The following PRKCE variants were observed in gnomAD, a reference collection of about 807,000 sequenced individuals.
PRKCE encodes protein kinase C epsilon type.
PRKCE carries 16 observed loss-of-function variants against 85.4 expected under a neutral mutation model. That is an observed-to-expected ratio of 0.19 (90% CI 0.13 to 0.28). PRKCE has a LOEUF of 0.28. Ranked by LOEUF, PRKCE falls within the 10% of genes least tolerant of loss-of-function variation. The probability of loss-of-function intolerance (pLI) is 1.00; values close to 1 mark genes in which losing one functional copy is unlikely to be tolerated. For missense variants in PRKCE, 573 were observed against 975.2 expected, an observed-to-expected ratio of 0.59 and a Z score of 5.49; for synonymous variants, 388 against 371.5, an observed-to-expected ratio of 1.04 and a Z score of -0.51.
intron 1 of PRKCE, among the ~76,000 whole-genome samples, chr2:45,822,823 G>T (rs1229118624): frequency 6.6e-6 from 1 of 152,140 alleles, no homozygotes. Context: ...AAGGAGAGTT[G>T]CTTCTTAACT....
intron 5 of PRKCE, among the ~76,000 whole-genome samples, chr2:45,982,049 A>G (rs146173440): frequency 8.5e-5 from 13 of 152,316 alleles, no homozygotes; most frequent in African/African-American, 2.4e-4. Flanking sequence ...TGTGTTCCCA[A>G]ACTTGACATG....
At chr2:45,888,333 C>G (rs373690350) in intron 2 of PRKCE, among the ~76,000 whole-genome samples, 19 of 152,236 alleles carry the variant, frequency 1.2e-4, no homozygotes, top group African/African-American at 4.1e-4. Context: ...AATTGCCAAG[C>G]CTTTACTATG....
At chr2:46,131,800 T>C (rs1428748829) in intron 11 of PRKCE, among the ~76,000 whole-genome samples, 1 of 152,246 alleles carries the variant, frequency 6.6e-6, no homozygotes, top group Non-Finnish European at 1.5e-5. Context: ...CAAGAGTTAT[T>C]GCTTGCTTTC....
At chr2:46,121,806 G>A (rs974536013) in intron 11 of PRKCE, among the ~76,000 whole-genome samples, 20 of 152,318 alleles carry the variant, frequency 1.3e-4, no homozygotes, top group African/African-American at 4.6e-4. Context: ...GCTCATGAAT[G>A]CTGTGGACAG....
chr2:46,018,121 C>G (rs1342962790), intron 10 of PRKCE, among the ~76,000 whole-genome samples: 1 of 152,114 alleles, frequency 6.6e-6, no homozygotes, highest in Non-Finnish European at 1.5e-5. Context: ...GGTTGATCAG[C>G]CTGTTTCTGG....
chr2:45,816,809 C>T (rs1464026258), intron 1 of PRKCE, among the ~76,000 whole-genome samples: 1 of 152,168 alleles, frequency 6.6e-6, no homozygotes, highest in African/African-American at 2.4e-5. Flanking sequence ...ATCCTCCCTC[C>T]CCCTAATTGT....
At chr2:45,741,084 G>T (rs1364086711) in intron 1 of PRKCE, among the ~76,000 whole-genome samples, 1 of 152,148 alleles carries the variant, frequency 6.6e-6, no homozygotes, top group African/African-American at 2.4e-5. Context: ...AATTAAATGC[G>T]GAAATTTCCT....
chr2:46,153,366 G>A (rs1676831820), intron 13 of PRKCE, among the ~76,000 whole-genome samples: 1 of 152,110 alleles, frequency 6.6e-6, no homozygotes, highest in African/African-American at 2.4e-5. Context: ...CCAGGCGCTG[G>A]TGATACAAAC....
chr2:45,836,788 A>G (rs886554929), intron 1 of PRKCE, among the ~76,000 whole-genome samples: 2 of 152,164 alleles, frequency 1.3e-5, no homozygotes, highest in Non-Finnish European at 1.5e-5. Flanking sequence ...ATTATCTAGG[A>G]CCTTACTGGT....
intron 2 of PRKCE, among the ~76,000 whole-genome samples, chr2:45,904,123 C>G (rs564945894): frequency 6.6e-6 from 1 of 152,068 alleles, no homozygotes; most frequent in East Asian, 1.9e-4. Context: ...AGGCTGGTCT[C>G]GAACTCTTGA....
intron 10 of PRKCE, among the ~76,000 whole-genome samples, chr2:46,014,438 C>A (rs1705953636): frequency 6.6e-6 from 1 of 152,050 alleles, no homozygotes; most frequent in South Asian, 2.1e-4. Flanking sequence ...TCAAAATTGG[C>A]ATAGTCACAA....
intron 1 of PRKCE, among the ~76,000 whole-genome samples, chr2:45,791,021 T>C (rs1277447731): frequency 6.6e-6 from 1 of 152,152 alleles, no homozygotes; most frequent in Admixed American, 6.5e-5. Context: ...AGAGCAGGCA[T>C]GTGTTCCAGC....
In PRKCE at chr2:46,064,606, TAGA is replaced by T. The variant is rs539501375; in HGVS notation, c.1438-21594_1438-21592del. On this transcript the variant is annotated intron_variant, in intron 10 of 14. Transcript: ENST00000306156. The stretch of plus-strand genomic sequence containing the variant: ...AATATTATCTCCTTTGTAGATTAGA[TAGA>T]AGAAGAATTAGGGAGATACAAAGAA... Among the ~76,000 whole-genome samples the T allele has an allele frequency of 1.3e-4, 20 of 152,336 alleles. No homozygotes were observed. In the East Asian group the frequency reaches 1.3e-3, roughly 10 times the overall value.
intron 1 of PRKCE, among the ~76,000 whole-genome samples, chr2:45,663,119 A>C (rs1295583113): frequency 6.6e-6 from 1 of 152,254 alleles, no homozygotes; most frequent in African/African-American, 2.4e-5. Flanking sequence ...AATGCACATT[A>C]GTGTATTAAA....
chr2:45,901,607 A>T (rs1392483708), intron 2 of PRKCE, among the ~76,000 whole-genome samples: 1 of 152,234 alleles, frequency 6.6e-6, no homozygotes, highest in Non-Finnish European at 1.5e-5. Context: ...TTTATAATTC[A>T]CCTGAGATGG....
chr2:45,699,618 A>G (rs1455065594), intron 1 of PRKCE, among the ~76,000 whole-genome samples: 1 of 152,210 alleles, frequency 6.6e-6, no homozygotes, highest in Non-Finnish European at 1.5e-5. Flanking sequence ...TACAGAGGCC[A>G]AACTTGTTTT....
chr2:46,123,611 C>T (rs1426617693), intron 11 of PRKCE, among the ~76,000 whole-genome samples: 1 of 152,200 alleles, frequency 6.6e-6, no homozygotes, highest in Non-Finnish European at 1.5e-5. Flanking sequence ...GCCCCAACCT[C>T]CCAGGTAACT....
chr2:45,711,314 A>G (rs1232447094), intron 1 of PRKCE, among the ~76,000 whole-genome samples: 2 of 152,180 alleles, frequency 1.3e-5, no homozygotes, highest in Non-Finnish European at 2.9e-5. Flanking sequence ...TATAACAAAC[A>G]AGAGATCATG....
At chr2:45,868,319 C>CAAAAAAAA (rs371501864) in intron 2 of PRKCE, among the ~76,000 whole-genome samples, 11 of 35,992 alleles carry the variant, frequency 3.1e-4, no homozygotes, top group African/African-American at 1.1e-3. Context: ...CTTTCCTGTC[C>CAAAAAAAA]AAAAAAAAAA....
Sources: allele counts gnomAD v4.1 joint callset (sites outside exome capture counted in the v4.1 genomes callset), GRCh38; gene constraint gnomAD v4.1.1; transcripts MANE v1.5; gene names NCBI Gene and HGNC (gene_info 2026-07-23, HGNC 2026-07-21).